HERC3: variants seen among roughly 807,000 people sequenced by gnomAD.
HERC3 encodes HECT and RLD domain containing E3 ubiquitin protein ligase 3.
A neutral mutation model predicts 129.9 loss-of-function variants in HERC3; 58 were observed. The observed-to-expected ratio is 0.45, with a 90% confidence interval of 0.36 to 0.56. The LOEUF is 0.56. HERC3 is among the 20% of genes least tolerant of loss of function. The probability of loss-of-function intolerance (pLI) is 0.00; values close to 1 mark genes in which losing one functional copy is unlikely to be tolerated. For synonymous variants in HERC3, 430 were observed against 451.0 expected (o/e 0.95, Z 0.59); for missense variants, 835 against 1,244.2 (o/e 0.67, Z 4.95).
intron 8 of HERC3, among the ~76,000 whole-genome samples, 154 bp downstream of exon 8, chr4:88,655,458 A>G (rs2149278052): frequency 6.6e-6 from 1 of 152,354 alleles, no homozygotes; most frequent in East Asian, 1.9e-4. Flanking sequence ...AAAGACCTTG[A>G]TAGAGTGTGG....
chr4:88,606,288 G>A (rs1302126487), intron 3 of HERC3, among the ~76,000 whole-genome samples: 12 of 145,582 alleles, frequency 8.2e-5, no homozygotes, highest in Non-Finnish European at 1.3e-4. Flanking sequence ...GTCTCGCTCC[G>A]TCGCCCAGGC....
chr4:88,625,799 C>CCTT (rs1726035676), intron 3 of HERC3, among the ~76,000 whole-genome samples: 2 of 151,974 alleles, frequency 1.3e-5, no homozygotes, highest in Admixed American at 1.3e-4. Context: ...TCATGGATGT[C>CCTT]CTTTATCAAG....
the HERC3 span, among the ~76,000 whole-genome samples, chr4:88,556,612 C>T: frequency 6.6e-6 from 1 of 152,056 alleles, no homozygotes; most frequent in Non-Finnish European, 1.5e-5. Flanking sequence ...TTACTTAATC[C>T]CTTACTTGCA....
chr4:88,665,748 C>T (rs915586328), intron 12 of HERC3, among the ~76,000 whole-genome samples: 5 of 152,184 alleles, frequency 3.3e-5, no homozygotes, highest in Non-Finnish European at 5.9e-5. Context: ...CAGAAACTCT[C>T]TTTGGTTACA....
chr4:88,529,885 G>A, the HERC3 span, among the ~76,000 whole-genome samples: 1 of 152,044 alleles, frequency 6.6e-6, no homozygotes, highest in Non-Finnish European at 1.5e-5. Context: ...GTTCATAATT[G>A]ATAAAAGAAT....
intron 3 of HERC3, among the ~76,000 whole-genome samples, chr4:88,634,493 G>T (rs1298796712): frequency 6.6e-6 from 1 of 152,124 alleles, no homozygotes; most frequent in African/African-American, 2.4e-5. Flanking sequence ...GATCTCCCTA[G>T]GCCTGAACCC....
At chr4:88,691,025 G>C (rs1381003887) in intron 23 of HERC3, among the ~76,000 whole-genome samples, 1 of 152,206 alleles carries the variant, frequency 6.6e-6, no homozygotes, top group Non-Finnish European at 1.5e-5. Flanking sequence ...ATGCATCTGG[G>C]AGGACAGATA....
the HERC3 span, among the ~76,000 whole-genome samples, chr4:88,529,433 G>C: frequency 6.6e-6 from 1 of 152,146 alleles, no homozygotes; most frequent in South Asian, 2.1e-4. Context: ...CTCTAGCCTA[G>C]GAGACAGAGC....
At chr4:88,627,277 G>A (rs1318181217) in intron 3 of HERC3, among the ~76,000 whole-genome samples, 1 of 151,584 alleles carries the variant, frequency 6.6e-6, no homozygotes, top group East Asian at 1.9e-4. Flanking sequence ...AGATCCACAA[G>A]TTCTGCATCA....
chr4:88,662,587 C>T (rs768943067), intron 11 of HERC3, 32 bp downstream of exon 11: 15 of 1,588,726 alleles, frequency 9.4e-6, no homozygotes, highest in Admixed American at 1.8e-5. Flanking sequence ...TTTTTTTTTC[C>T]ACAAAGTATG....
chr4:88,622,618 C>G (rs368458363), intron 3 of HERC3, among the ~76,000 whole-genome samples: 2 of 152,072 alleles, frequency 1.3e-5, no homozygotes, highest in Non-Finnish European at 2.9e-5. Context: ...TATGAGGGCC[C>G]GAGAGATCTT....
chr4:88,673,700 A>T (rs988316955), intron 16 of HERC3, among the ~76,000 whole-genome samples: 1 of 152,248 alleles, frequency 6.6e-6, no homozygotes, highest in South Asian at 2.1e-4. Flanking sequence ...TGGAAATACC[A>T]GTGTGAGTAC....
chr4:88,680,291 T>C, intron 20 of HERC3, 55 bp downstream of exon 20: 1 of 1,393,092 alleles, frequency 7.2e-7, no homozygotes, highest in Non-Finnish European at 9.7e-7. Context: ...TTTCTTTTTG[T>C]TGTCAGACCA....
intron 2 of HERC3, among the ~76,000 whole-genome samples, chr4:88,598,982 G>T (rs895564817): frequency 3.9e-5 from 6 of 152,184 alleles, no homozygotes; most frequent in Non-Finnish European, 8.8e-5. Context: ...CCTATATTTT[G>T]CAGCGAATTT....
chr4:88,676,992 G>A (rs1003971466), intron 18 of HERC3, among the ~76,000 whole-genome samples: 3 of 152,092 alleles, frequency 2.0e-5, no homozygotes, highest in Non-Finnish European at 4.4e-5. Context: ...AAACTTAGTT[G>A]GCCGTGGTGG....
At chr4:88,700,987 A>G (rs1218112507) in intron 23 of HERC3, among the ~76,000 whole-genome samples, 1 of 152,184 alleles carries the variant, frequency 6.6e-6, no homozygotes. Flanking sequence ...ATCCCAACTA[A>G]AAAAATATCT....
intron 23 of HERC3, chr4:88,695,918 T>A (rs1734555262): frequency 6.6e-6 from 1 of 152,578 alleles, no homozygotes; most frequent in African/African-American, 2.4e-5. Context: ...TTATATATAT[T>A]TTTTGAAAAT....
the HERC3 span, among the ~76,000 whole-genome samples, chr4:88,585,164 T>A: frequency 6.6e-6 from 1 of 152,152 alleles, no homozygotes; most frequent in African/African-American, 2.4e-5. Context: ...GGGCACTAAT[T>A]CTAGTCACAA....
chr4:88,554,819 G>A, the HERC3 span, among the ~76,000 whole-genome samples: 1 of 152,134 alleles, frequency 6.6e-6, no homozygotes, highest in Admixed American at 6.5e-5. Context: ...CTAGTAATAG[G>A]TATAGCAAGT....
Sources: allele counts gnomAD v4.1 joint callset (sites outside exome capture counted in the v4.1 genomes callset), GRCh38; gene constraint gnomAD v4.1.1; transcripts MANE v1.5; gene names NCBI Gene and HGNC (gene_info 2026-07-23, HGNC 2026-07-21).